AGL: variants seen among roughly 807,000 people sequenced by gnomAD.
The protein encoded by AGL is glycogen debranching enzyme.
A neutral mutation model predicts 199.3 loss-of-function variants in AGL; 128 were observed. The ratio of observed to expected loss-of-function variants is 0.64; its 90% CI spans 0.56 to 0.74. The LOEUF (loss-of-function observed/expected upper bound fraction) is 0.74, where lower values mean the gene tolerates loss of function less well. Among genes scored for constraint, AGL ranks in the 30% least tolerant of loss-of-function variants. The probability of loss-of-function intolerance (pLI) is 0.00; values close to 1 mark genes in which losing one functional copy is unlikely to be tolerated. For synonymous variants in AGL, 584 were observed against 594.7 expected (o/e 0.98, Z 0.26); for missense variants, 1,809 against 1,820.8 (o/e 0.99, Z 0.12).
chr1:99,862,413 A>C lies in AGL; in HGVS notation c.450A>C (p.Ala150=), dbSNP rs1363313559. ...FDEWESRLRV[A]KESGYNMIHF... is the part of the protein sequence containing the mutation. ...AATGGGAAAGCAGACTTAGGGTTGC[A>C]AAAGAATCAGGTAATGTCAGCTTGC... is the stretch of plus-strand genomic sequence containing the variant. The change falls in exon 4 of 34, where the codon GCA becomes GCC. Residue 150 remains alanine, a synonymous_variant. Transcript: ENST00000361915. The C allele has an allele frequency of 6.2e-7, 1 of 1,614,040 alleles. No homozygotes were observed. Among genetic ancestry groups the C allele is most frequent in the Admixed American group, 1.7e-5 (1 of 60,004 alleles).
In AGL at chr1:99,910,243, A is replaced by G. The variant is rs369455902; in HGVS notation, c.3701-469A>G. On this transcript the variant is annotated intron_variant, in intron 27 of 33. Coordinates refer to ENST00000361915, the MANE Select transcript of AGL (RefSeq NM_000642.3). The stretch of plus-strand genomic sequence containing the variant: ...ATTTCTCATCTGTCACTCTCATCTC[A>G]CCCTTCTGAGTCTCTGGTATCTATT... Among the ~76,000 whole-genome samples, 128 of 151,942 alleles carry G rather than the reference A, an allele frequency of 8.4e-4. 1 individual carries two copies. The East Asian group carries it at 0.015, about 18-fold the overall frequency.
intron 20 of AGL, among the ~76,000 whole-genome samples, chr1:99,886,073 T>C (rs1652430233): frequency 6.6e-6 from 1 of 152,214 alleles, no homozygotes; most frequent in Admixed American, 6.5e-5. Flanking sequence ...AGAGTTTCCA[T>C]CATTAGCAAT....
intron 20 of AGL, 139 bp from the exon 21 acceptor site, chr1:99,887,839 A>T (rs931770150): frequency 3.3e-6 from 3 of 904,296 alleles, no homozygotes; most frequent in Non-Finnish European, 5.1e-6. Flanking sequence ...GTATGAGTAT[A>T]ATGTTTATTT....
chr1:99,908,812 G>A (rs1243394148), intron 27 of AGL, among the ~76,000 whole-genome samples: 1 of 152,018 alleles, frequency 6.6e-6, no homozygotes, highest in Non-Finnish European at 1.5e-5. Flanking sequence ...TACTCTTGTG[G>A]GCTGTGGTTT....
chr1:99,859,439 C>G (rs1310237501), intron 2 of AGL, among the ~76,000 whole-genome samples: 1 of 151,618 alleles, frequency 6.6e-6, no homozygotes, highest in East Asian at 1.9e-4. Context: ...GGTGTATGTA[C>G]TCTACCTCCC....
rs1557773793 is a variant in AGL, at chr1:99,892,613, G to C, written c.3259+6G>C. The C allele has an allele frequency of 9.3e-6, 15 of 1,612,404 alleles. No homozygotes were observed. The highest frequency in any genetic ancestry group is 1.3e-5 in the Non-Finnish European group (15 of 1,178,786). On this transcript the variant is annotated splice_donor_region_variant and intron_variant, in intron 24 of 33. Transcript: ENST00000361915. ...TTGTGTTTCTCTAGCTGCAGGTAAG[G>C]AATTATGTACAAGGTTAAAATATGT...
intron 10 of AGL, among the ~76,000 whole-genome samples, chr1:99,876,197 A>G (rs1651520221): frequency 2.0e-5 from 3 of 152,196 alleles, no homozygotes; most frequent in African/African-American, 7.2e-5. Context: ...TTTTAAAATA[A>G]TTTTATGAAG....
At chr1:99,902,440 G>A (rs1314293466) in intron 26 of AGL, among the ~76,000 whole-genome samples, 1 of 152,156 alleles carries the variant, frequency 6.6e-6, no homozygotes, top group East Asian at 1.9e-4. Flanking sequence ...ATTTGTTTTT[G>A]TGTATCAGCA....
In AGL at chr1:99,876,525, A is replaced by G. The variant is rs1490124737; in HGVS notation, c.1351A>G (p.Lys451Glu). Residue 451 changes from lysine (K) to glutamate (E), a missense_variant, in exon 11 of 34, where the codon AAA (lysine) becomes GAA (glutamate). Lys to Glu is a moderately conservative substitution (Grantham distance 56, BLOSUM62 1). Coordinates refer to ENST00000361915, the MANE Select transcript of AGL (RefSeq NM_000642.3). ...MEESMIHLPNKACFLMAHNGW... is the reference protein window; with the variant it reads ...MEESMIHLPNEACFLMAHNGW... The stretch of plus-strand genomic sequence containing the variant: ...AGAATCTATGATTCATCTGCCAAAT[A>G]AAGCTTGTTTTCTGATGGCACACAA... 11 of 1,613,752 alleles carry G rather than the reference A, an allele frequency of 6.8e-6. No homozygotes were observed. Among genetic ancestry groups the G allele is most frequent in the South Asian group, 1.1e-5 (1 of 91,062 alleles).
chr1:99,877,937 A>G (rs1651690911), intron 12 of AGL, 109 bp downstream of exon 12: 1 of 1,065,310 alleles, frequency 9.4e-7, no homozygotes, highest in African/African-American at 1.6e-5. Flanking sequence ...GTTGGACACA[A>G]GCATTGATTT....
intron 2 of AGL, among the ~76,000 whole-genome samples, chr1:99,851,396 A>G (rs1648942787): frequency 6.6e-6 from 1 of 152,206 alleles, no homozygotes; most frequent in Non-Finnish European, 1.5e-5. Context: ...AGTTAAATAT[A>G]TGATCAGAAG....
At chr1:99,890,121 A>G (rs1207646271) in intron 21 of AGL, among the ~76,000 whole-genome samples, 5 of 152,116 alleles carry the variant, frequency 3.3e-5, no homozygotes, top group Admixed American at 3.3e-4. Flanking sequence ...TGGGTACACC[A>G]TATCCTTTTT....
intron 2 of AGL, among the ~76,000 whole-genome samples, chr1:99,860,611 G>GT (rs1262919839): frequency 1.3e-5 from 2 of 152,100 alleles, no homozygotes; most frequent in Non-Finnish European, 2.9e-5. Flanking sequence ...TCTAAGGTAT[G>GT]TTTTTTTAAA....
rs1316336745 is a variant in AGL at position 99,896,304 on chromosome 1, C to A, written c.3278C>A (p.Ser1093Tyr). 8 of 1,613,648 alleles carry A rather than the reference C, an allele frequency of 5.0e-6. No individual in the cohort carries two copies. Among genetic ancestry groups the A allele is most frequent in the Non-Finnish European group, 6.8e-6 (8 of 1,179,854 alleles). ...SLAAGLPHFS[S>Y]GIFRCWGRDT... is the part of the protein sequence containing the mutation. ...TTGTTAGGCTTACCTCATTTTTCTT[C>A]TGGTATTTTCCGCTGCTGGGGAAGG... Residue 1093 changes from serine to tyrosine, a missense_variant, in exon 25 of 34, where the codon TCT becomes TAT. By Grantham distance (144) the Ser-to-Tyr change is moderately radical. Coordinates refer to ENST00000361915, the MANE Select transcript of AGL (RefSeq NM_000642.3).
chr1:99,896,309 A>AT lies in AGL; in HGVS notation c.3287dup (p.Arg1097ProfsTer12). On this transcript the variant is annotated frameshift_variant, in exon 25 of 34. Transcript: ENST00000361915. LOFTEE classifies it high-confidence loss of function. The stretch of plus-strand genomic sequence containing the variant: ...AGGCTTACCTCATTTTTCTTCTGGT[A>AT]TTTTCCGCTGCTGGGGAAGGGATAC... 6.2e-7 allele frequency: 1 copy of AT among 1,613,772 alleles called. No homozygotes were observed. The highest frequency in any genetic ancestry group is 8.5e-7 in the Non-Finnish European group (1 of 1,179,920).
At position 99,907,653 on chromosome 1, in the gene AGL, T is replaced by A. The variant is rs559756782; in HGVS notation, c.3701-3059T>A. ...TTGTTTTTTTGGATTTTGTTTTTGT[T>A]GTTTTGGTTTTTGTTTTTGTTCGTT... On this transcript the variant is annotated intron_variant, in intron 27 of 33. Coordinates refer to ENST00000361915, the MANE Select transcript of AGL (RefSeq NM_000642.3). Among the ~76,000 whole-genome samples the A allele has an allele frequency of 2.2e-4, 34 of 152,028 alleles. No individual in the cohort carries two copies. The South Asian group carries it at 6.8e-3, about 31-fold the overall frequency.
At chr1:99,856,392 CTCCT>C (rs1182442509) in intron 2 of AGL, among the ~76,000 whole-genome samples, 5 of 134,286 alleles carry the variant, frequency 3.7e-5, no homozygotes, top group African/African-American at 1.1e-4. Flanking sequence ...CCCTCCCTCC[CTCCT>C]TCCTTCTTTC....
chr1:99,922,587 C>T lies in AGL; in HGVS notation c.*936C>T, dbSNP rs1196187139. 1 of 151,662 alleles carries T rather than the reference C, an allele frequency of 6.6e-6. No individual in the cohort carries two copies. Among genetic ancestry groups the T allele is most frequent in the Non-Finnish European group, 1.5e-5 (1 of 67,746 alleles). 9.4% of individuals were successfully genotyped at this position (151,662 alleles called of 1,614,324 possible). A position where few individuals can be genotyped will look rare whatever the true frequency, so the allele number is the denominator to read the frequency against. Reference sequence around the variant, plus strand: ...ATGAATTCAGTAGATATCTTAAATTCAATAAAATCACTGGAAGTTTTTCAT... The same window carrying T: ...ATGAATTCAGTAGATATCTTAAATTTAATAAAATCACTGGAAGTTTTTCAT... On this transcript the variant is annotated 3_prime_UTR_variant, in exon 34 of 34. Coordinates refer to ENST00000361915, the MANE Select transcript of AGL (RefSeq NM_000642.3).
chr1:99,877,502 AT>A, intron 11 of AGL, 138 bp from the exon 12 acceptor site: 1 of 735,918 alleles, frequency 1.4e-6, no homozygotes, highest in African/African-American at 1.8e-5. Context: ...ACATTATCTC[AT>A]ACCACTTTAG....
Sources: gnomAD v4.1 joint callset for allele counts (sites outside exome capture counted in the v4.1 genomes callset) on GRCh38, gnomAD v4.1.1 for gene constraint, MANE v1.5 for transcripts, NCBI Gene and HGNC (gene_info 2026-07-23, HGNC 2026-07-21) for gene names.